Variants in ZHX3 observed in about 807,000 individuals in gnomAD.
ZHX3 encodes the protein zinc fingers and homeoboxes protein 3.
ZHX3 carries 20 observed loss-of-function variants against 64.5 expected under a neutral mutation model. The observed-to-expected ratio is 0.31, with a 90% CI of 0.22 to 0.45. The LOEUF is 0.45. ZHX3 is among the 20% of genes least tolerant of loss of function. ZHX3 has a pLI of 1.00. For synonymous variants in ZHX3, 423 were observed against 461.6 expected (o/e 0.92, Z 1.07); for missense variants, 1,041 against 1,195.8 (o/e 0.87, Z 1.91).
rs1700017575 is a variant in ZHX3, at chr20:41,203,650, C to T, written c.1267G>A (p.Gly423Arg). 2 of 1,614,104 alleles carry T rather than the reference C, an allele frequency of 1.2e-6. No individual in the cohort carries two copies. The highest frequency in any genetic ancestry group is 2.7e-5 in the African/African-American group (2 of 74,942). The stretch of plus-strand genomic sequence containing the variant: ...AATGGCTGAGTGACCAGAAGTCCCC[C>T]TCCTGTACCCTCTGGCTGCCCCACA... ...HVVGQPEGTG[G>R]GLLVTQPLMA... The change falls in exon 3 of 4, where the codon GGG (glycine) becomes AGG (arginine). Residue 423 changes from glycine to arginine, a missense_variant. Transcript: ENST00000683867. The surrounding 1 kb of genome is among the most constrained non-coding windows in gnomAD (Gnocchi z 7.1).
chr20:41,194,522 G>A (rs1384568571), intron 3 of ZHX3, among the ~76,000 whole-genome samples: 3 of 145,560 alleles, frequency 2.1e-5, no homozygotes, highest in African/African-American at 2.5e-5. Flanking sequence ...ATATTAGTCT[G>A]TAGATTTCTT....
At chr20:41,292,617 A>T (rs1049376931) in intron 1 of ZHX3, among the ~76,000 whole-genome samples, 2 of 152,232 alleles carry the variant, frequency 1.3e-5, no homozygotes, top group Admixed American at 6.5e-5. Flanking sequence ...TGCCCTTTGC[A>T]TGAGTACCTT....
Position 41,202,155 on chromosome 20 carries a change from G to A in ZHX3, c.2762C>T (p.Ser921Leu). 1 of 1,614,156 alleles carries A rather than the reference G, an allele frequency of 6.2e-7. No homozygotes were observed. The highest frequency in any genetic ancestry group is 8.5e-7 in the Non-Finnish European group (1 of 1,180,030). The change falls in exon 3 of 4, where the codon TCA becomes TTA. Residue 921 changes from serine (S) to leucine (L), a missense_variant. This residue lies in a region of ZHX3 where 649 missense variants were observed against 739.8 expected (regional missense o/e 0.88). Coordinates refer to ENST00000683867, the MANE Select transcript of ZHX3 (RefSeq NM_001384317.1). This position sits in a 1 kb window ranked among gnomAD's most constrained non-coding sequence, Gnocchi z 7.0. ...CGACTCACTGTTCTCAGACACCTCTGAATAGGTGTCACCCATCCCTTTGTG... is the reference window on the plus strand; with the variant it reads ...CGACTCACTGTTCTCAGACACCTCTAAATAGGTGTCACCCATCCCTTTGTG... ...AVHKGMGDTY[S>L]EVSENSESWE... is the part of the protein sequence containing the mutation.
chr20:41,242,822 TA>T (rs1162925658), intron 2 of ZHX3, among the ~76,000 whole-genome samples: 2 of 152,188 alleles, frequency 1.3e-5, no homozygotes, highest in African/African-American at 4.8e-5. Flanking sequence ...GTTTAATAAT[TA>T]AGTGATTTTT....
intron 1 of ZHX3, among the ~76,000 whole-genome samples, chr20:41,309,536 C>G (rs959471102): frequency 2.6e-5 from 4 of 152,142 alleles, no homozygotes; most frequent in African/African-American, 9.7e-5. Context: ...CTAGTGCTGC[C>G]CTCTTGAATT....
chr20:41,192,761 T>C (rs2037144205), intron 3 of ZHX3, among the ~76,000 whole-genome samples: 1 of 152,250 alleles, frequency 6.6e-6, no homozygotes, highest in Non-Finnish European at 1.5e-5. Flanking sequence ...CATCTTGCTG[T>C]AGCTGTTTTG....
intron 2 of ZHX3, among the ~76,000 whole-genome samples, chr20:41,225,234 G>A (rs954539419): frequency 1.2e-4 from 19 of 152,068 alleles, no homozygotes; most frequent in African/African-American, 4.1e-4. Context: ...CATGACATTC[G>A]GTGAATTGAT....
At chr20:41,242,859 G>A (rs1417626179) in intron 2 of ZHX3, among the ~76,000 whole-genome samples, 1 of 152,002 alleles carries the variant, frequency 6.6e-6, no homozygotes, top group Non-Finnish European at 1.5e-5. Context: ...AGAGCATATG[G>A]CAATTGTCTT....
chr20:41,217,636 C>T (rs768314360), intron 2 of ZHX3, among the ~76,000 whole-genome samples: 1 of 152,062 alleles, frequency 6.6e-6, no homozygotes, highest in Non-Finnish European at 1.5e-5. Flanking sequence ...TTTCCATGAC[C>T]GAAAAGAAAA....
At position 41,204,985 on chromosome 20, in the gene ZHX3, G is replaced by A. The variant is rs1371376642; in HGVS notation, c.-69C>T. 1 of 1,447,804 alleles carries A rather than the reference G, an allele frequency of 6.9e-7. No homozygotes were observed. Among genetic ancestry groups the A allele is most frequent in the Non-Finnish European group, 9.1e-7 (1 of 1,099,248 alleles). The allele number at this position is 1,447,804 out of a possible 1,614,324, so 89.7% of individuals were successfully genotyped here. ...AAGGGGCCTAACAATACAAGTTCCA[G>A]CTTCTCGATGAGGGCCAAAGAAACA... On this transcript the variant is annotated 5_prime_UTR_variant, in exon 3 of 4. Transcript: ENST00000683867. The surrounding 1 kb of genome is among the most constrained non-coding windows in gnomAD (Gnocchi z 6.6).
At chr20:41,254,015 T>C (rs1453095101) in intron 2 of ZHX3, among the ~76,000 whole-genome samples, 3 of 152,208 alleles carry the variant, frequency 2.0e-5, no homozygotes, top group African/African-American at 7.2e-5. Flanking sequence ...CCAGGCGCAA[T>C]GGCTCATGCC....
chr20:41,289,749 A>G (rs1406237369), intron 1 of ZHX3, among the ~76,000 whole-genome samples: 1 of 151,330 alleles, frequency 6.6e-6, no homozygotes, highest in Non-Finnish European at 1.5e-5. Context: ...TCTGGCCCCT[A>G]GATTACAAAT....
intron 2 of ZHX3, among the ~76,000 whole-genome samples, chr20:41,241,310 T>C (rs557606950): frequency 5.3e-5 from 8 of 152,376 alleles, no homozygotes; most frequent in African/African-American, 1.9e-4. Flanking sequence ...GTATGTCTTC[T>C]GAGAAATGTC....
intron 1 of ZHX3, among the ~76,000 whole-genome samples, chr20:41,314,729 G>A (rs1199977838): frequency 4.6e-5 from 7 of 152,192 alleles, no homozygotes. Context: ...AGATATAGAT[G>A]AGAAAGAAAT....
At chr20:41,240,997 G>A (rs1244315371) in intron 2 of ZHX3, among the ~76,000 whole-genome samples, 6 of 152,120 alleles carry the variant, frequency 3.9e-5, no homozygotes, top group Non-Finnish European at 7.3e-5. Context: ...ATATCTCTTC[G>A]ATATACTAAT....
chr20:41,311,622 G>A (rs181351554), intron 1 of ZHX3, among the ~76,000 whole-genome samples: 1 of 152,298 alleles, frequency 6.6e-6, no homozygotes, highest in African/African-American at 2.4e-5. Flanking sequence ...TCAGAAGGCA[G>A]TAATGAATAA....
At chr20:41,264,552 T>TC (rs1274401359) in intron 2 of ZHX3, among the ~76,000 whole-genome samples, 1 of 112,444 alleles carries the variant, frequency 8.9e-6, no homozygotes, top group Non-Finnish European at 1.7e-5. Context: ...AGAGTGAAAC[T>TC]CCATCTCAAA....
intron 2 of ZHX3, among the ~76,000 whole-genome samples, chr20:41,209,556 G>A (rs2038995237): frequency 6.6e-6 from 1 of 152,146 alleles, no homozygotes. Flanking sequence ...CTACAACCAT[G>A]TGATCTTTGA....
rs2039228713 is a variant in ZHX3, at chr20:41,212,497, C to T, written c.-150-7431G>A. On this transcript the variant is annotated intron_variant, in intron 2 of 3. Coordinates refer to ENST00000683867, the MANE Select transcript of ZHX3 (RefSeq NM_001384317.1). This position sits in a 1 kb window ranked among gnomAD's most constrained non-coding sequence, Gnocchi z 4.3. ...AAACAAAATGTTAAATATAGAGTTG[C>T]CATAAGATCCAGCAATTTGGCCGGG... 6.6e-6 allele frequency among the ~76,000 whole-genome samples: 1 copy of T among 152,052 alleles called. No individual in the cohort carries two copies.
Sources: allele counts gnomAD v4.1 joint callset (sites outside exome capture counted in the v4.1 genomes callset), GRCh38; gene constraint gnomAD v4.1.1; regional missense constraint gnomAD v4.1.1; non-coding constraint Gnocchi (gnomAD v3.1); transcripts MANE v1.5; gene names NCBI Gene and HGNC (gene_info 2026-07-23, HGNC 2026-07-21).